The following CPVL variants were observed in gnomAD, a reference collection of about 807,000 sequenced individuals.
The protein encoded by CPVL is carboxypeptidase vitellogenic like.
A neutral mutation model predicts 63.7 loss-of-function variants in CPVL; 51 were observed. The observed-to-expected ratio is 0.80, with a 90% CI of 0.64 to 1.01. The LOEUF (loss-of-function observed/expected upper bound fraction) is 1.01. Ranked by LOEUF, CPVL falls within the 50% of genes least tolerant of loss-of-function variation. The probability of loss-of-function intolerance (pLI) is 0.00; values close to 1 mark genes in which losing one functional copy is unlikely to be tolerated. For missense variants in CPVL, 530 were observed against 573.1 expected (o/e 0.92, Z 0.77); for synonymous variants, 195 against 206.0 (o/e 0.95, Z 0.46).
intron 5 of CPVL, among the ~76,000 whole-genome samples, chr7:29,154,694 G>A (rs1356838678): frequency 6.6e-6 from 1 of 152,096 alleles, no homozygotes; most frequent in African/African-American, 2.4e-5. Flanking sequence ...AATTAGCCAG[G>A]TGTGGTGGCA....
Position 29,154,966 on chromosome 7 carries a change from G to A in CPVL, c.-11+26324C>T, listed in dbSNP as rs553481992. 2.6e-5 allele frequency among the ~76,000 whole-genome samples: 4 copies of A among 152,344 alleles called. No homozygotes were observed. In the East Asian group the frequency reaches 7.7e-4, roughly 29 times the overall value. On this transcript the variant is annotated intron_variant, in intron 5 of 16. Coordinates refer to the CPVL transcript ENST00000409850. ...CAATCATGGTGGAAGACAAGGAGGA[G>A]CAAGTCACATCTTACATGGATGGTG... is the stretch of plus-strand genomic sequence containing the variant.
intron 11 of CPVL, among the ~76,000 whole-genome samples, chr7:29,036,709 G>T (rs1584057325): frequency 1.3e-5 from 2 of 152,162 alleles, no homozygotes; most frequent in South Asian, 4.1e-4. Flanking sequence ...AAATCACATG[G>T]AATTCCCCCA....
intron 11 of CPVL, among the ~76,000 whole-genome samples, chr7:29,034,699 C>A (rs1221094191): frequency 6.6e-6 from 1 of 151,778 alleles, no homozygotes; most frequent in Non-Finnish European, 1.5e-5. Context: ...GGTTATGAGA[C>A]TGGCTATTTT....
At chr7:29,011,383 G>C (rs975005114) in intron 12 of CPVL, 2 of 152,312 alleles carry the variant, frequency 1.3e-5, no homozygotes, top group Non-Finnish European at 2.9e-5. Flanking sequence ...AAACCAGGCT[G>C]AACAGCATGG....
intron 1 of CPVL, among the ~76,000 whole-genome samples, chr7:29,190,936 CTT>C (rs796284400): frequency 1.4e-5 from 2 of 144,918 alleles, no homozygotes; most frequent in Non-Finnish European, 1.5e-5. Context: ...CCCCACCATG[CTT>C]TTTTTTTTTT....
chr7:29,030,121 G>C (rs910303246), intron 12 of CPVL, among the ~76,000 whole-genome samples: 1 of 152,206 alleles, frequency 6.6e-6, no homozygotes, highest in African/African-American at 2.4e-5. Flanking sequence ...AAAGGAAGAT[G>C]ATGAGAGTAA....
At chr7:29,074,624 G>C (rs1784060238) in intron 7 of CPVL, among the ~76,000 whole-genome samples, 1 of 151,836 alleles carries the variant, frequency 6.6e-6, no homozygotes, top group Non-Finnish European at 1.5e-5. Flanking sequence ...GGTGGGAGGT[G>C]ATTGGATCAT....
chr7:29,043,326 T>C (rs1417864498), intron 11 of CPVL, among the ~76,000 whole-genome samples: 3 of 152,140 alleles, frequency 2.0e-5, no homozygotes, highest in African/African-American at 4.8e-5. Flanking sequence ...CAAGACTTTC[T>C]GCCCCATGCT....
Position 29,078,177 on chromosome 7 carries a change from A to G in CPVL, c.610-5754T>C, listed in dbSNP as rs183936431. Among the ~76,000 whole-genome samples the G allele has an allele frequency of 4.3e-4, 65 of 152,382 alleles. 1 individual carries two copies. The East Asian group carries it at 0.012, about 28-fold the overall frequency. The stretch of plus-strand genomic sequence containing the variant: ...TATTTCTTTTTTAATATGGGCTTAA[A>G]AAGAAACTTGCAAAATCTACAGGCA... On this transcript the variant is annotated intron_variant, in intron 7 of 12. Coordinates refer to ENST00000265394, the MANE Select transcript of CPVL (RefSeq NM_031311.5).
At chr7:29,184,604 C>T (rs1361162633) in intron 3 of CPVL, 1 of 152,192 alleles carries the variant, frequency 6.6e-6, no homozygotes. Context: ...AGAGTTTTCT[C>T]TTACTCTCAA....
Position 29,094,850 on chromosome 7 carries a change from GA to G in CPVL, c.462+233del, listed in dbSNP as rs913594163. Among the ~76,000 whole-genome samples, 460 of 123,758 alleles carry G rather than the reference GA, an allele frequency of 3.7e-3. 4 individuals carry two copies. Among genetic ancestry groups the G allele is most frequent in the Middle Eastern group, 0.012 (3 of 246 alleles). 81.2% of individuals were successfully genotyped at this position (123,758 alleles called of 152,430 possible). On this transcript the variant is annotated intron_variant, in intron 5 of 12. Transcript: ENST00000265394. The stretch of plus-strand genomic sequence containing the variant: ...GACAGAGCGAGACTCCATCTCAATA[GA>G]AAAAAAAAAAATGAGGAAATGAGAG...
At chr7:28,997,200 G>C (rs2128121083) in intron 12 of CPVL, among the ~76,000 whole-genome samples, 2 of 152,348 alleles carry the variant, frequency 1.3e-5, no homozygotes, top group Middle Eastern at 6.8e-3. Flanking sequence ...AGCCTGGCCT[G>C]AGATGTCTCG....
At chr7:29,000,920 C>G (rs2128124977) in intron 12 of CPVL, 2 of 152,124 alleles carry the variant, frequency 1.3e-5, no homozygotes, top group Middle Eastern at 3.4e-3. Context: ...CTGGATATAT[C>G]CTAGAGGGTT....
chr7:29,194,837 T>C, intron 1 of CPVL: 1 of 1,081,732 alleles, frequency 9.2e-7, no homozygotes, highest in East Asian at 3.3e-5. Context: ...CCCAGGACTT[T>C]GCCATGGGCT....
intron 11 of CPVL, among the ~76,000 whole-genome samples, chr7:29,045,714 C>G (rs1353592027): frequency 6.6e-6 from 1 of 152,164 alleles, no homozygotes. Flanking sequence ...AGACATTTAT[C>G]AAATCTAGTT....
intron 11 of CPVL, among the ~76,000 whole-genome samples, chr7:29,032,622 A>T (rs1788136717): frequency 6.6e-6 from 1 of 152,194 alleles, no homozygotes; most frequent in South Asian, 2.1e-4. Flanking sequence ...ACCTGATTAT[A>T]GCTGATTAGC....
chr7:29,096,984 C>CAAAAA (rs1165892123), intron 3 of CPVL, among the ~76,000 whole-genome samples: 19 of 51,192 alleles, frequency 3.7e-4, no homozygotes, highest in Non-Finnish European at 5.7e-4. Flanking sequence ...GACTCTGTCT[C>CAAAAA]AAAAAAAAAA....
chr7:29,150,065 G>T (rs1168488949), upstream of CPVL, among the ~76,000 whole-genome samples: 1 of 152,182 alleles, frequency 6.6e-6, no homozygotes, highest in Non-Finnish European at 1.5e-5. Flanking sequence ...AGCCTTCTTT[G>T]ATTGGCTTTC....
intron 5 of CPVL, among the ~76,000 whole-genome samples, chr7:29,168,341 A>G (rs568379539): frequency 1.3e-5 from 2 of 152,236 alleles, no homozygotes; most frequent in Non-Finnish European, 2.9e-5. Flanking sequence ...CCATTACACA[A>G]TTTTTGGTTT....
Sources: allele counts gnomAD v4.1 joint callset (sites outside exome capture counted in the v4.1 genomes callset), GRCh38; gene constraint gnomAD v4.1.1; transcripts MANE v1.5; gene names NCBI Gene and HGNC (gene_info 2026-07-23, HGNC 2026-07-21).